Variants in PXN observed in about 807,000 individuals in gnomAD.
PXN encodes the protein testicular tissue protein Li 134.
In PXN, 61 loss-of-function variants were observed where a neutral mutation model predicts 103.6. The ratio of observed to expected loss-of-function variants is 0.59; its 90% CI spans 0.48 to 0.73. The LOEUF is 0.73. Among genes scored for constraint, PXN ranks in the 30% least tolerant of loss-of-function variants. PXN has a pLI of 0.00. For missense variants in PXN, 1,274 were observed against 1,460.3 expected, an observed-to-expected ratio of 0.87 and a Z score of 2.08; for synonymous variants, 562 against 607.8, an observed-to-expected ratio of 0.92 and a Z score of 1.11.
rs1892287181 is a variant in PXN, at chr12:120,252,099, T to C, written c.13+13518A>G. Among the ~76,000 whole-genome samples the C allele has an allele frequency of 2.6e-5, 4 of 152,184 alleles. No homozygotes were observed. The South Asian group carries it at 8.3e-4, about 32-fold the overall frequency. On this transcript the variant is annotated intron_variant, in intron 1 of 14. Coordinates refer to ENST00000637617, the MANE Select transcript of PXN (RefSeq NM_001385981.1). ...GTGGCTGATGTCAGAGGCTGGGTTCTATGCCACCTCCCCACCCCAAACCCA... is the reference window on the plus strand; with the variant it reads ...GTGGCTGATGTCAGAGGCTGGGTTCCATGCCACCTCCCCACCCCAAACCCA...
At chr12:120,240,287 G>A (rs1889917440) in intron 1 of PXN, among the ~76,000 whole-genome samples, 1 of 152,094 alleles carries the variant, frequency 6.6e-6, no homozygotes, top group Admixed American at 6.6e-5. Context: ...GGGGGATGAG[G>A]AGCTGTCCCA....
At position 120,221,604 on chromosome 12, in the gene PXN, T is replaced by TG. The variant is rs1369132877; in HGVS notation, c.831+18dup. On this transcript the variant is annotated intron_variant, in intron 6 of 14. Coordinates refer to ENST00000637617, the MANE Select transcript of PXN (RefSeq NM_001385981.1). The surrounding 1 kb of genome is among the most constrained non-coding windows in gnomAD (Gnocchi z 6.6). ...GGGAGGGGCGGCAGGGCAGGGAAGATGGAGGGTTCACAGGGCACCTTGAAA... is the reference window on the plus strand; with the variant it reads ...GGGAGGGGCGGCAGGGCAGGGAAGATGGGAGGGTTCACAGGGCACCTTGAAA... 1.9e-6 allele frequency: 3 copies of TG among 1,555,178 alleles called. No individual in the cohort carries two copies. Among genetic ancestry groups the TG allele is most frequent in the Non-Finnish European group, 2.6e-6 (3 of 1,149,260 alleles).
At chr12:120,243,994 AC>A (rs1286781778) in intron 1 of PXN, among the ~76,000 whole-genome samples, 1 of 151,672 alleles carries the variant, frequency 6.6e-6, no homozygotes, top group Non-Finnish European at 1.5e-5. Context: ...TCAACAAATG[AC>A]CTGCGCCAAG....
intron 1 of PXN, among the ~76,000 whole-genome samples, chr12:120,255,484 A>G (rs548911679): frequency 6.6e-6 from 1 of 152,276 alleles, no homozygotes; most frequent in South Asian, 2.1e-4. Context: ...TCACAAGGTC[A>G]AGAGTTCAAG....
At chr12:120,231,731 C>T (rs890448619) in intron 1 of PXN, among the ~76,000 whole-genome samples, 1 of 152,224 alleles carries the variant, frequency 6.6e-6, no homozygotes, top group African/African-American at 2.4e-5. Context: ...TGCCCAAGGT[C>T]ACAGGGCACA....
intron 1 of PXN, among the ~76,000 whole-genome samples, chr12:120,248,418 G>A (rs1891540777): frequency 6.6e-6 from 1 of 151,214 alleles, no homozygotes; most frequent in Non-Finnish European, 1.5e-5. Flanking sequence ...ACTGCCCTCA[G>A]CAGACACCTG....
chr12:120,235,928 T>C (rs547415797), intron 1 of PXN, among the ~76,000 whole-genome samples: 1 of 152,282 alleles, frequency 6.6e-6, no homozygotes, highest in East Asian at 1.9e-4. Flanking sequence ...ATCAGAATCA[T>C]TAAGAGACAC....
chr12:120,246,514 C>CAAAAAA (rs139689226), intron 1 of PXN, among the ~76,000 whole-genome samples: 16 of 58,302 alleles, frequency 2.7e-4, no homozygotes, highest in East Asian at 3.7e-4. Flanking sequence ...GACTCTGTCT[C>CAAAAAA]AAAAAAAAAA....
intron 1 of PXN, among the ~76,000 whole-genome samples, chr12:120,249,093 C>T (rs1307123159): frequency 1.3e-5 from 2 of 152,042 alleles, no homozygotes; most frequent in Admixed American, 6.6e-5. Flanking sequence ...GCCAAGATTG[C>T]ACCACTGCAC....
At chr12:120,230,238 G>A (rs1887731875) in intron 1 of PXN, among the ~76,000 whole-genome samples, 2 of 152,228 alleles carry the variant, frequency 1.3e-5, no homozygotes, top group South Asian at 2.1e-4. Context: ...TAGCACAGGG[G>A]CCTTCCCCGC....
chr12:120,231,523 A>G (rs1888046950), intron 1 of PXN, among the ~76,000 whole-genome samples: 1 of 152,130 alleles, frequency 6.6e-6, no homozygotes, highest in African/African-American at 2.4e-5. Context: ...ACAGGAAGCC[A>G]GGGGAGAAGG....
At chr12:120,232,126 A>G (rs879611131) in intron 1 of PXN, among the ~76,000 whole-genome samples, 1 of 152,158 alleles carries the variant, frequency 6.6e-6, no homozygotes, top group African/African-American at 2.4e-5. Flanking sequence ...GGCTCAAGGG[A>G]TCTTCCTGCC....
At chr12:120,245,530 G>A (rs1199294734) in intron 1 of PXN, among the ~76,000 whole-genome samples, 3 of 151,840 alleles carry the variant, frequency 2.0e-5, no homozygotes, top group African/African-American at 4.8e-5. Flanking sequence ...GCTCACGCCT[G>A]TAATCCCAGC....
intron 1 of PXN, among the ~76,000 whole-genome samples, chr12:120,258,680 G>A (rs1893396188): frequency 6.6e-6 from 1 of 152,220 alleles, no homozygotes; most frequent in Admixed American, 6.5e-5. Context: ...TTGAATGGCT[G>A]TCATTGTTTT....
chr12:120,235,984 C>T lies in PXN; in HGVS notation c.14-11607G>A, dbSNP rs965791018. ...ACTGTAGGCACCAAACCAGCCAACA[C>T]GGGACAGCCAGCAAGACAGCCAGCC... On this transcript the variant is annotated intron_variant, in intron 1 of 14. Transcript: ENST00000637617. Among the ~76,000 whole-genome samples, 6 of 152,300 alleles carry T rather than the reference C, an allele frequency of 3.9e-5. No individual in the cohort carries two copies. The East Asian group carries it at 7.7e-4, about 20-fold the overall frequency.
Position 120,222,657 on chromosome 12 carries a change from G to T in PXN, c.587C>A (p.Pro196His). 6.2e-7 allele frequency: 1 copy of T among 1,608,776 alleles called. No homozygotes were observed. Among genetic ancestry groups the T allele is most frequent in the Non-Finnish European group, 8.5e-7 (1 of 1,177,824 alleles). The stretch of plus-strand genomic sequence containing the variant: ...CCGCTTAGGCTTCTCTTTCGTCAGG[G>T]GCCCAGCTTTGCCTCCCAAGGGGCT... Reference protein sequence around the residue: ...TNSPLGGKAGPLTKEKPKRNG... With the variant: ...TNSPLGGKAGHLTKEKPKRNG... The change falls in exon 5 of 15, where the codon CCC becomes CAC. Residue 196 changes from proline (P) to histidine (H), a missense_variant. Around this residue, in one of 2 missense-constraint regions of PXN, gnomAD observed 1,178 missense variants for 1,309.0 expected, o/e 0.90. Coordinates refer to ENST00000637617, the MANE Select transcript of PXN (RefSeq NM_001385981.1). The surrounding 1 kb of genome is among the most constrained non-coding windows in gnomAD (Gnocchi z 4.7).
chr12:120,242,160 G>T (rs765388094), intron 1 of PXN, among the ~76,000 whole-genome samples: 3 of 152,026 alleles, frequency 2.0e-5, no homozygotes, highest in Non-Finnish European at 4.4e-5. Flanking sequence ...TTTTTCTCTG[G>T]CCAAGGCACC....
intron 1 of PXN, among the ~76,000 whole-genome samples, chr12:120,250,525 TCAGCACAGCTCCCTGTGG>T (rs1891970469): frequency 6.6e-6 from 1 of 152,182 alleles, no homozygotes. Flanking sequence ...GGAGTGGATC[TCAGCACAGCTCCCTGTGG>T]CAGCTCTCAC....
chr12:120,265,613 T>G lies in PXN; in HGVS notation c.13+4A>C. 1 of 1,485,372 alleles carries G rather than the reference T, an allele frequency of 6.7e-7. No individual in the cohort carries two copies. Among genetic ancestry groups the G allele is most frequent in the Non-Finnish European group, 8.9e-7 (1 of 1,123,586 alleles). The allele number at this position is 1,485,372 out of a possible 1,614,324, so 92.0% of individuals were successfully genotyped here. On this transcript the variant is annotated splice_donor_region_variant and intron_variant, in intron 1 of 14. Transcript: ENST00000637617. This position sits in a 1 kb window ranked among gnomAD's most constrained non-coding sequence, Gnocchi z 5.7. ...CCTCCTCCCTCGGCCTCCCGCTCAC[T>G]CACCGAGGTCGTCCATGGCCGGACC...
Sources: gnomAD v4.1 joint callset for allele counts (sites outside exome capture counted in the v4.1 genomes callset) on GRCh38, gnomAD v4.1.1 for gene constraint, gnomAD v4.1.1 regional missense constraint, Gnocchi (gnomAD v3.1) non-coding constraint, MANE v1.5 for transcripts, NCBI Gene and HGNC (gene_info 2026-07-23, HGNC 2026-07-21) for gene names.